Variants in ABCA1 observed in about 807,000 individuals in gnomAD.
The protein encoded by ABCA1 is phospholipid-transporting ATPase ABCA1.
Under a neutral mutation model 262.5 loss-of-function variants are expected in ABCA1, and 133 were observed. The ratio of observed to expected loss-of-function variants is 0.51; its 90% CI spans 0.44 to 0.59. The LOEUF (loss-of-function observed/expected upper bound fraction) is 0.59. ABCA1 is among the 20% of genes least tolerant of loss of function. The pLI, the probability that ABCA1 is intolerant of heterozygous loss-of-function variation, is 0.00. For synonymous variants in ABCA1, 1,022 were observed against 1,043.5 expected, an observed-to-expected ratio of 0.98 and a Z score of 0.40; for missense variants, 2,452 against 2,777.5, an observed-to-expected ratio of 0.88 and a Z score of 2.63.
chr9:104,809,148 G>A (rs915606167), intron 30 of ABCA1, among the ~76,000 whole-genome samples: 1 of 152,142 alleles, frequency 6.6e-6, no homozygotes, highest in Non-Finnish European at 1.5e-5. Context: ...TAAGTACAGG[G>A]GCTGGGAGAG....
Position 104,819,967 on chromosome 9 carries a change from C to A in ABCA1, c.3063G>T (p.Leu1021Phe). 1 of 1,613,982 alleles carries A rather than the reference C, an allele frequency of 6.2e-7. No homozygotes were observed. Among genetic ancestry groups the A allele is most frequent in the Non-Finnish European group, 8.5e-7 (1 of 1,180,002 alleles). The part of the protein sequence containing the change: ...EMEQMALDVG[L>F]PSSKLKSKTS... ...TTTTGCTTTTCAGCTTGCTTGATGG[C>A]AAACCAACATCCAGGGCCATCTGCT... The change falls in exon 21 of 50, where the codon TTG (leucine) becomes TTT (phenylalanine). Residue 1021 changes from leucine to phenylalanine, a missense_variant. By Grantham distance (22) the Leu-to-Phe change is conservative. Coordinates refer to ENST00000374736, the MANE Select transcript of ABCA1 (RefSeq NM_005502.4).
chr9:104,863,249 C>T (rs913087753), intron 5 of ABCA1, among the ~76,000 whole-genome samples: 2 of 152,152 alleles, frequency 1.3e-5, no homozygotes, highest in Non-Finnish European at 2.9e-5. Context: ...GGTAGGAGCC[C>T]TATGACTCCG....
intron 1 of ABCA1, among the ~76,000 whole-genome samples, chr9:104,917,246 C>T (rs1395024806): frequency 6.6e-6 from 1 of 152,142 alleles, no homozygotes; most frequent in African/African-American, 2.4e-5. Flanking sequence ...AACTTCTCCT[C>T]GGCTCAGGTG....
intron 11 of ABCA1, among the ~76,000 whole-genome samples, chr9:104,836,603 T>G (rs2297398): frequency 0.067 from 10,132 of 152,216 alleles, 511 homozygotes; most frequent in East Asian, 0.28. Context: ...AACATCATGC[T>G]TTTGCTCCCA....
At chr9:104,787,823 G>A in intron 46 of ABCA1, 97 bp downstream of exon 46, 1 of 1,612,234 alleles carries the variant, frequency 6.2e-7, no homozygotes, top group Non-Finnish European at 8.5e-7. Flanking sequence ...GGGAAGACAA[G>A]CCAATCATAC....
chr9:104,874,488 C>A (rs1471648225), intron 5 of ABCA1, among the ~76,000 whole-genome samples: 1 of 152,072 alleles, frequency 6.6e-6, no homozygotes, highest in African/African-American at 2.4e-5. Context: ...ATTGTTTGAA[C>A]CCGGGAGGCA....
At chr9:104,861,559 C>CA in intron 6 of ABCA1, 120 bp downstream of exon 6, 1 of 1,421,388 alleles carries the variant, frequency 7.0e-7, no homozygotes, top group Non-Finnish European at 9.9e-7. Flanking sequence ...AAGTTGTATT[C>CA]AAACTACCTC....
chr9:104,863,067 T>C (rs1356638357), intron 5 of ABCA1, among the ~76,000 whole-genome samples: 1 of 152,022 alleles, frequency 6.6e-6, no homozygotes, highest in Non-Finnish European at 1.5e-5. Context: ...TGAGTACAGT[T>C]AGAAAAGGCT....
chr9:104,840,785 C>T (rs1198638546), intron 8 of ABCA1, among the ~76,000 whole-genome samples: 1 of 152,252 alleles, frequency 6.6e-6, no homozygotes, highest in African/African-American at 2.4e-5. Context: ...CCTCTGCCGA[C>T]CTGCAGAATT....
At chr9:104,859,294 T>A (rs1013392710) in intron 6 of ABCA1, among the ~76,000 whole-genome samples, 2 of 152,216 alleles carry the variant, frequency 1.3e-5, no homozygotes, top group South Asian at 2.1e-4. Flanking sequence ...TCTTATCTTT[T>A]CTTTATACCA....
At chr9:104,784,482 A>AT in intron 49 of ABCA1, 27 bp from the exon 50 acceptor site, 1 of 1,613,876 alleles carries the variant, frequency 6.2e-7, no homozygotes. Context: ...ATGGACCTTT[A>AT]TAAATACCAC....
At chr9:104,854,996 C>T (rs1835712353) in intron 7 of ABCA1, 1 of 261,686 alleles carries the variant, frequency 3.8e-6, no homozygotes, top group African/African-American at 2.3e-5. Flanking sequence ...CTCTTAACCC[C>T]AGGGAACTTT....
chr9:104,792,962 T>A lies in ABCA1; in HGVS notation c.5637-56A>T, dbSNP rs1258038932. ...TTCAAACTATTTTTCAGGACAAAGATTCAGTCTCTAACGTAGTATTATAAA... is the reference window on the plus strand; with the variant it reads ...TTCAAACTATTTTTCAGGACAAAGAATCAGTCTCTAACGTAGTATTATAAA... On this transcript the variant is annotated intron_variant, in intron 41 of 49. Coordinates refer to ENST00000374736, the MANE Select transcript of ABCA1 (RefSeq NM_005502.4). 7 of 1,611,832 alleles carry A rather than the reference T, an allele frequency of 4.3e-6. No homozygotes were observed. The Admixed American group carries it at 1.0e-4, about 23-fold the overall frequency.
At chr9:104,850,976 T>G (rs1454114489) in intron 7 of ABCA1, among the ~76,000 whole-genome samples, 2 of 152,204 alleles carry the variant, frequency 1.3e-5, no homozygotes, top group Non-Finnish European at 2.9e-5. Flanking sequence ...GACTCAATAT[T>G]TTCAGATCAT....
At chr9:104,855,541 A>G (rs778025237) in intron 7 of ABCA1, 9 of 942,922 alleles carry the variant, frequency 9.5e-6, no homozygotes, top group Middle Eastern at 3.5e-4. Flanking sequence ...TTTCAAGGAC[A>G]TAATTTCTAC....
At chr9:104,903,795 A>T (rs746251366) in intron 1 of ABCA1, 24 bp from the exon 2 acceptor site, 5 of 962,642 alleles carry the variant, frequency 5.2e-6, no homozygotes, top group Non-Finnish European at 8.0e-6. Context: ...CAGGAGGGGA[A>T]ACAGCCATCA....
In ABCA1 at chr9:104,809,447, T is replaced by C. The variant is rs1479191196; in HGVS notation, c.4274+19A>G. On this transcript the variant is annotated intron_variant, in intron 30 of 49. Coordinates refer to ENST00000374736, the MANE Select transcript of ABCA1 (RefSeq NM_005502.4). ...GCAACAAGCACAAGAAGCCTGCTTA[T>C]GGCTAAAGTGGCACTCACGGGATTG... 6.2e-7 allele frequency: 1 copy of C among 1,612,694 alleles called. No individual in the cohort carries two copies.
intron 1 of ABCA1, among the ~76,000 whole-genome samples, chr9:104,926,903 G>C (rs1036724572): frequency 1.3e-5 from 2 of 152,170 alleles, no homozygotes; most frequent in African/African-American, 4.8e-5. Flanking sequence ...GCTCTCCTAA[G>C]TCTTGTTTTT....
intron 25 of ABCA1, 151 bp downstream of exon 25, chr9:104,815,992 T>C (rs1159894896): frequency 2.3e-6 from 2 of 854,868 alleles, no homozygotes; most frequent in Admixed American, 3.4e-5. Flanking sequence ...CCATCTTAAA[T>C]GGCTCACTGG....
Sources: gnomAD v4.1 joint callset for allele counts (sites outside exome capture counted in the v4.1 genomes callset) on GRCh38, gnomAD v4.1.1 for gene constraint, MANE v1.5 for transcripts, NCBI Gene and HGNC (gene_info 2026-07-23, HGNC 2026-07-21) for gene names.